LRRC56: variants seen among roughly 807,000 people sequenced by gnomAD.
LRRC56 encodes leucine rich repeat containing 56.
Under a neutral mutation model 47.8 loss-of-function variants are expected in LRRC56, and 41 were observed. The ratio of observed to expected loss-of-function variants is 0.86; its 90% CI spans 0.67 to 1.11. LRRC56 has a LOEUF of 1.11. Ranked by LOEUF, LRRC56 falls within the 50% of genes most tolerant of loss-of-function variation. LRRC56 has a pLI of 0.00. For synonymous variants in LRRC56, 387 were observed against 311.2 expected (o/e 1.24, Z -2.56); for missense variants, 759 against 704.2 (o/e 1.08, Z -0.88).
At chr11:523,903 G>A in the LRRC56 span, among the ~76,000 whole-genome samples, 964 of 152,286 alleles carry the variant, frequency 6.3e-3, 4 homozygotes, top group Non-Finnish European at 0.012. Context: ...ACTCCAGCCT[G>A]CGTGACAGAG....
chr11:547,944 G>A (rs1034276797), intron 6 of LRRC56, among the ~76,000 whole-genome samples: 22 of 151,964 alleles, frequency 1.4e-4, no homozygotes, highest in African/African-American at 5.1e-4. Context: ...TGGCCAAGAT[G>A]GTGAAACCCC....
At chr11:552,481 C>T (rs573174238) in intron 12 of LRRC56, 88 bp from the exon 13 acceptor site, 1 of 1,307,902 alleles carries the variant, frequency 7.6e-7, no homozygotes, top group African/African-American at 1.5e-5. Flanking sequence ...CTGAGTCATC[C>T]CCAGTCCCAA....
chr11:532,731 A>G, upstream of LRRC56: 1 of 1,613,058 alleles, frequency 6.2e-7, no homozygotes, highest in Non-Finnish European at 8.5e-7. Flanking sequence ...TCACGCACCA[A>G]CGTGTAGAAG....
At chr11:551,110 C>G in intron 8 of LRRC56, 21 bp from the exon 9 acceptor site, 1 of 1,341,240 alleles carries the variant, frequency 7.5e-7, no homozygotes, top group Non-Finnish European at 1.0e-6. Flanking sequence ...GCCCTCCCTC[C>G]CCCTCCCCCT....
Position 550,259 on chromosome 11 carries a change from G to T in LRRC56, c.611G>T (p.Gly204Val), listed in dbSNP as rs1241332987. The change falls in exon 8 of 14, where the codon GGC becomes GTC. Residue 204 changes from glycine (G) to valine (V), a missense_variant. Coordinates refer to ENST00000270115, the MANE Select transcript of LRRC56 (RefSeq NM_198075.4). ...CTGGTGTGCCTACAGCCGGCCCCTGGCCCCACCAACAAGGTGCGTGTCCCG... is the reference window on the plus strand; with the variant it reads ...CTGGTGTGCCTACAGCCGGCCCCTGTCCCCACCAACAAGGTGCGTGTCCCG... The part of the protein sequence containing the change: ...GNLVCLQPAP[G>V]PTNKVPRGYN... 3.1e-6 allele frequency: 5 copies of T among 1,596,664 alleles called. No individual in the cohort carries two copies. Among genetic ancestry groups the T allele is most frequent in the Non-Finnish European group, 4.3e-6 (5 of 1,171,460 alleles).
chr11:517,452 G>A, the LRRC56 span, among the ~76,000 whole-genome samples: 3 of 150,216 alleles, frequency 2.0e-5, no homozygotes, highest in South Asian at 2.1e-4. Flanking sequence ...CTGCCCGACC[G>A]CCCCACCTGG....
chr11:536,170 C>G (rs45592146), upstream of LRRC56, among the ~76,000 whole-genome samples: 5 of 152,184 alleles, frequency 3.3e-5, no homozygotes, highest in Non-Finnish European at 7.4e-5. Flanking sequence ...CGGTGGGGTT[C>G]CGGGCGGCGG....
At chr11:549,789 A>G (rs1852278658) in intron 6 of LRRC56, 113 bp from the exon 7 acceptor site, 1 of 832,828 alleles carries the variant, frequency 1.2e-6, no homozygotes, top group Non-Finnish European at 2.0e-6. Flanking sequence ...TCCTCAGTCT[A>G]GAGGCCACCA....
chr11:525,321 C>G, the LRRC56 span, among the ~76,000 whole-genome samples: 2 of 151,358 alleles, frequency 1.3e-5, no homozygotes, highest in African/African-American at 4.9e-5. Context: ...GGGCGGATCA[C>G]GAGGTCAGGA....
the LRRC56 span, among the ~76,000 whole-genome samples, chr11:525,183 C>T: frequency 2.0e-3 from 308 of 151,730 alleles, no homozygotes; most frequent in African/African-American, 7.1e-3. Flanking sequence ...GCGGGCAGAT[C>T]ACCTGAGGTC....
At chr11:510,745 A>G in the LRRC56 span, among the ~76,000 whole-genome samples, 6 of 151,286 alleles carry the variant, frequency 4.0e-5, no homozygotes, top group South Asian at 4.2e-4. Context: ...ATCTCAAAAA[A>G]AAAATACAAA....
chr11:541,292 T>C lies in LRRC56; in HGVS notation c.178-245T>C, dbSNP rs1851778856. Among the ~76,000 whole-genome samples the C allele has an allele frequency of 6.6e-6, 1 of 152,160 alleles. No homozygotes were observed. Among genetic ancestry groups the C allele is most frequent in the Admixed American group, 6.5e-5 (1 of 15,290 alleles). On this transcript the variant is annotated intron_variant, in intron 4 of 13. Coordinates refer to ENST00000270115, the MANE Select transcript of LRRC56 (RefSeq NM_198075.4). The surrounding 1 kb of genome is among the most constrained non-coding windows in gnomAD (Gnocchi z 4.1). ...GGTGTGTCTGCCCTGGGAGTCTCTCTGGAGACGGGCAGCCCCCAGGGCAGG... is the reference window on the plus strand; with the variant it reads ...GGTGTGTCTGCCCTGGGAGTCTCTCCGGAGACGGGCAGCCCCCAGGGCAGG...
At position 541,617 on chromosome 11, in the gene LRRC56, G is replaced by A; in HGVS notation, c.258G>A (p.Gly86=). 3 of 1,569,728 alleles carry A rather than the reference G, an allele frequency of 1.9e-6. No homozygotes were observed. In the South Asian group the frequency reaches 3.5e-5, roughly 18 times the overall value. ...MCVDTREGSL[G]NFGVHLPNLD... is the part of the protein sequence containing the mutation. ...TGGACACTCGTGAGGGCAGCCTGGG[G>A]AACTTTGGTGAGCCTCTTCCCACCC... Residue 86 remains glycine, a synonymous_variant, in exon 5 of 14, where the codon GGG becomes GGA. Coordinates refer to ENST00000270115, the MANE Select transcript of LRRC56 (RefSeq NM_198075.4). This position sits in a 1 kb window ranked among gnomAD's most constrained non-coding sequence, Gnocchi z 4.1.
chr11:510,266 G>A, the LRRC56 span, among the ~76,000 whole-genome samples: 3 of 152,200 alleles, frequency 2.0e-5, no homozygotes, highest in Non-Finnish European at 4.4e-5. Context: ...AGAGGCACCA[G>A]GGTGACTTTG....
chr11:542,902 T>A (rs1461194936), intron 5 of LRRC56, among the ~76,000 whole-genome samples: 1 of 143,600 alleles, frequency 7.0e-6, no homozygotes, highest in Non-Finnish European at 1.5e-5. Context: ...CAACAGTGAC[T>A]TTTTTTTTTT....
rs1003379047 is a variant in LRRC56 at position 540,807 on chromosome 11, G to A, written c.123G>A (p.Gln41=). The A allele has an allele frequency of 6.2e-7, 1 of 1,601,516 alleles. No homozygotes were observed. The highest frequency in any genetic ancestry group is 2.2e-5 in the East Asian group (1 of 44,450). The change falls in exon 4 of 14, where the codon CAG becomes CAA. Residue 41 remains glutamine (Q), a synonymous_variant. Coordinates refer to ENST00000270115, the MANE Select transcript of LRRC56 (RefSeq NM_198075.4). ...PCPQSKGPGS[Q]RDRLGEQLVE... is the part of the protein sequence containing the mutation. ...CACAGAGCAAGGGCCCTGGCAGTCA[G>A]AGGGACAGACTTGGAGAGCAGCTGG...
chr11:536,095 C>T (rs1247212454), upstream of LRRC56, among the ~76,000 whole-genome samples: 3 of 152,236 alleles, frequency 2.0e-5, no homozygotes, highest in East Asian at 5.8e-4. Context: ...GCGCACCCCA[C>T]CTACCACCAC....
chr11:506,858 G>A, the LRRC56 span: 1 of 152,350 alleles, frequency 6.6e-6, no homozygotes, highest in Non-Finnish European at 1.5e-5. Flanking sequence ...AAGCCCCAAA[G>A]GGGAGCGTGC....
chr11:522,225 C>T, the LRRC56 span, among the ~76,000 whole-genome samples: 242 of 151,958 alleles, frequency 1.6e-3, 1 homozygote, highest in Middle Eastern at 6.8e-3. Context: ...ACTACAGGCA[C>T]GCACCACAAT....
Sources: gnomAD v4.1 joint callset for allele counts (sites outside exome capture counted in the v4.1 genomes callset) on GRCh38, gnomAD v4.1.1 for gene constraint, Gnocchi (gnomAD v3.1) non-coding constraint, MANE v1.5 for transcripts, NCBI Gene and HGNC (gene_info 2026-07-23, HGNC 2026-07-21) for gene names.